The following KCNAB2 variants were observed in gnomAD, a reference collection of about 807,000 sequenced individuals.
KCNAB2 encodes voltage-gated potassium channel subunit beta-2.
KCNAB2 carries 29 observed loss-of-function variants against 63.6 expected under a neutral mutation model. That is an observed-to-expected ratio of 0.46 (90% CI 0.34 to 0.62). KCNAB2 has a LOEUF of 0.62. Ranked by LOEUF, KCNAB2 falls within the 20% of genes least tolerant of loss-of-function variation. The probability of loss-of-function intolerance (pLI) is 0.01; values close to 1 mark genes in which losing one functional copy is unlikely to be tolerated. For synonymous variants in KCNAB2, 222 were observed against 224.2 expected (o/e 0.99, Z 0.09); for missense variants, 359 against 563.9 (o/e 0.64, Z 3.68).
upstream of KCNAB2, chr1:6,041,548 G>A: frequency 4.1e-6 from 2 of 491,546 alleles, no homozygotes; most frequent in Non-Finnish European, 7.4e-6. Flanking sequence ...CTCACTCGGA[G>A]GTTCACCACG....
At chr1:6,093,919 G>A (rs1665400910) in intron 10 of KCNAB2, among the ~76,000 whole-genome samples, 1 of 152,164 alleles carries the variant, frequency 6.6e-6, no homozygotes. Flanking sequence ...TTAGACTTTG[G>A]AATAGCCCGA....
At chr1:5,999,073 G>A (rs11120998) in intron 1 of KCNAB2, among the ~76,000 whole-genome samples, 26,327 of 152,286 alleles carry the variant, frequency 0.17, 2,522 homozygotes, top group Non-Finnish European at 0.23. Context: ...CCCCTTTAGA[G>A]ACGATTTCAA....
chr1:6,067,645 G>A (rs1194234529), intron 2 of KCNAB2, among the ~76,000 whole-genome samples: 5 of 152,166 alleles, frequency 3.3e-5, no homozygotes, highest in Non-Finnish European at 5.9e-5. Flanking sequence ...GGCTGAAAGT[G>A]TCCAATCCTC....
chr1:6,055,645 C>G (rs1661753695), intron 2 of KCNAB2, among the ~76,000 whole-genome samples: 1 of 152,164 alleles, frequency 6.6e-6, no homozygotes, highest in Non-Finnish European at 1.5e-5. Flanking sequence ...CATGAGCCAT[C>G]TCACCCCACC....
intron 1 of KCNAB2, chr1:6,007,509 T>TCCGCGC (rs1657881312): frequency 2.6e-5 from 4 of 152,720 alleles, no homozygotes; most frequent in African/African-American, 9.6e-5. Context: ...CCGCGCCACC[T>TCCGCGC]CTGCGCCTCC....
upstream of KCNAB2, chr1:6,041,922 G>A (rs772367400): frequency 1.9e-6 from 3 of 1,558,186 alleles, no homozygotes; most frequent in Non-Finnish European, 1.8e-6. Context: ...AGGCCAGGGA[G>A]CGGGTGGGAG....
intron 7 of KCNAB2, 107 bp from the exon 8 acceptor site, chr1:6,088,898 CATT>C: frequency 9.7e-7 from 1 of 1,028,118 alleles, no homozygotes; most frequent in Non-Finnish European, 1.5e-6. Flanking sequence ...CTCCACACGG[CATT>C]TGCTGACCCT....
At chr1:6,044,983 G>T (rs371196808), upstream of KCNAB2, among the ~76,000 whole-genome samples, 1 of 152,150 alleles carries the variant, frequency 6.6e-6, no homozygotes, top group Non-Finnish European at 1.5e-5. Flanking sequence ...GTAGTGAGGC[G>T]CAGGCCCCCC....
At chr1:6,056,930 T>A (rs1354228536) in intron 2 of KCNAB2, among the ~76,000 whole-genome samples, 9 of 151,834 alleles carry the variant, frequency 5.9e-5, no homozygotes, top group Non-Finnish European at 1.3e-4. Context: ...AGTGAGTGTC[T>A]TCCTCACCCC....
intron 2 of KCNAB2, among the ~76,000 whole-genome samples, chr1:6,053,387 G>A (rs1661549379): frequency 6.6e-6 from 1 of 152,170 alleles, no homozygotes; most frequent in African/African-American, 2.4e-5. Flanking sequence ...TGGGGGTGTG[G>A]GGGGCAGAGA....
At chr1:6,090,519 T>C in intron 9 of KCNAB2, 44 bp downstream of exon 9, 3 of 1,466,002 alleles carry the variant, frequency 2.0e-6, no homozygotes, top group Non-Finnish European at 2.8e-6. Flanking sequence ...CTGGGCGGGG[T>C]CTGAAGGGTC....
At chr1:6,046,492 G>A (rs1186563047) in intron 1 of KCNAB2, among the ~76,000 whole-genome samples, 8 of 152,346 alleles carry the variant, frequency 5.3e-5, no homozygotes, top group South Asian at 4.1e-4. Context: ...AGACACGGGC[G>A]TCTAGCTCGT....
chr1:6,038,770 G>C lies in KCNAB2; in HGVS notation c.-52-1747G>C, dbSNP rs1402376655. 5.3e-5 allele frequency among the ~76,000 whole-genome samples: 8 copies of C among 152,206 alleles called. No homozygotes were observed. The South Asian group carries it at 6.2e-4, about 12-fold the overall frequency. ...GGAAGCCGGCTTCCTGGTGACGGGA[G>C]GTCACTGTTCTGGGGAAAAAGAGTG... On this transcript the variant is annotated intron_variant, in intron 1 of 15. Coordinates refer to the KCNAB2 transcript ENST00000164247.
intron 4 of KCNAB2, among the ~76,000 whole-genome samples, chr1:6,077,814 T>C (rs1663804924): frequency 6.6e-6 from 1 of 152,202 alleles, no homozygotes; most frequent in African/African-American, 2.4e-5. Flanking sequence ...CCAGTCACTG[T>C]CTTTCTAGAG....
At chr1:6,050,461 C>G (rs1167231895) in intron 1 of KCNAB2, among the ~76,000 whole-genome samples, 1 of 152,238 alleles carries the variant, frequency 6.6e-6, no homozygotes, top group Non-Finnish European at 1.5e-5. Flanking sequence ...GACTCAGCCC[C>G]GAGGCTGCCC....
At chr1:6,052,981 G>A (rs1219476606) in intron 2 of KCNAB2, among the ~76,000 whole-genome samples, 1 of 152,134 alleles carries the variant, frequency 6.6e-6, no homozygotes, top group Non-Finnish European at 1.5e-5. Context: ...GTGCAGAGTG[G>A]AGTGCAGGCC....
chr1:6,068,990 T>G (rs1178630248), intron 2 of KCNAB2, among the ~76,000 whole-genome samples: 1 of 152,196 alleles, frequency 6.6e-6, no homozygotes, highest in Non-Finnish European at 1.5e-5. Flanking sequence ...GGCCAGCACT[T>G]GGTCCCGAGA....
chr1:6,084,809 CAA>C (rs372066219), intron 5 of KCNAB2, among the ~76,000 whole-genome samples: 2 of 138,884 alleles, frequency 1.4e-5, no homozygotes, highest in African/African-American at 2.7e-5. Flanking sequence ...GACTCCATTT[CAA>C]AAAAAAAAAA....
Position 6,003,822 on chromosome 1 carries a change from T to C in KCNAB2, c.-53+11034T>C, listed in dbSNP as rs911180917. Among the ~76,000 whole-genome samples, 1 of 152,248 alleles carries C rather than the reference T, an allele frequency of 6.6e-6. No individual in the cohort carries two copies. The highest frequency in any genetic ancestry group is 6.5e-5 in the Admixed American group (1 of 15,294). ...ATGTTTTTGTCTGCTGGCTATGTGA[T>C]TGCAGAGGCATGGCTGGCCCCAGCT... On this transcript the variant is annotated intron_variant, in intron 1 of 16. Transcript: ENST00000341524. This position sits in a 1 kb window ranked among gnomAD's most constrained non-coding sequence, Gnocchi z 4.1.
Sources: gnomAD v4.1 joint callset for allele counts (sites outside exome capture counted in the v4.1 genomes callset) on GRCh38, gnomAD v4.1.1 for gene constraint, Gnocchi (gnomAD v3.1) non-coding constraint, MANE v1.5 for transcripts, NCBI Gene and HGNC (gene_info 2026-07-23, HGNC 2026-07-21) for gene names.